The following COG1 variants were observed in gnomAD, a reference collection of about 807,000 sequenced individuals.
COG1 encodes component of oligomeric golgi complex 1, also known as conserved oligomeric Golgi complex subunit 1.
A neutral mutation model predicts 102.2 loss-of-function variants in COG1; 61 were observed. The ratio of observed to expected loss-of-function variants is 0.60; its 90% CI spans 0.49 to 0.74. The LOEUF (loss-of-function observed/expected upper bound fraction) is 0.74, where lower values mean the gene tolerates loss of function less well. COG1 is among the 30% of genes least tolerant of loss of function. COG1 has a pLI of 0.00. For synonymous variants in COG1, 454 were observed against 493.6 expected (o/e 0.92, Z 1.06); for missense variants, 1,164 against 1,232.1 (o/e 0.94, Z 0.83).
At chr17:73,200,205 G>A (rs2145096520) in intron 5 of COG1, among the ~76,000 whole-genome samples, 184 bp downstream of exon 5, 1 of 152,356 alleles carries the variant, frequency 6.6e-6, no homozygotes, top group East Asian at 1.9e-4. Context: ...CCCGCTGTGG[G>A]AGAACCAAGA....
Position 73,201,320 on chromosome 17 carries a change from T to C in COG1, c.1493T>C (p.Phe498Ser). 6.2e-7 allele frequency: 1 copy of C among 1,614,208 alleles called. No homozygotes were observed. Among genetic ancestry groups the C allele is most frequent in the Non-Finnish European group, 8.5e-7 (1 of 1,180,046 alleles). The change falls in exon 7 of 14, where the codon TTT becomes TCT. Residue 498 changes from phenylalanine to serine, a missense_variant. Coordinates refer to ENST00000299886, the MANE Select transcript of COG1 (RefSeq NM_018714.3). ...AWVSVANRGQ[F>S]ASSGLSMKAQ... ...GTCAGCGTGGCAAACCGGGGTCAGT[T>C]TGCCAGTAGCGGCCTCTCCATGAAA...
At chr17:73,203,192 G>C (rs748571290) in intron 8 of COG1, 46 bp downstream of exon 8, 1 of 1,605,374 alleles carries the variant, frequency 6.2e-7, no homozygotes, top group South Asian at 1.1e-5. Context: ...CTGCTCCGTG[G>C]AAAAGAAGAA....
intron 4 of COG1, among the ~76,000 whole-genome samples, chr17:73,199,389 T>C (rs569335541): frequency 1.3e-5 from 2 of 152,256 alleles, no homozygotes; most frequent in Admixed American, 6.5e-5. Context: ...CCGTTTTTGT[T>C]TCCTCCCGAT....
intron 4 of COG1, among the ~76,000 whole-genome samples, chr17:73,198,028 C>A (rs181464071): frequency 6.7e-6 from 1 of 150,270 alleles, no homozygotes; most frequent in Non-Finnish European, 1.5e-5. Context: ...TAGCATTTAT[C>A]GCAACTGAAA....
chr17:73,204,893 T>C (rs1349546826), intron 9 of COG1, among the ~76,000 whole-genome samples: 3 of 152,028 alleles, frequency 2.0e-5, no homozygotes, highest in African/African-American at 7.2e-5. Context: ...TCAGGTGCGA[T>C]GGCTGACACC....
chr17:73,208,401 T>G lies in COG1; in HGVS notation c.2893T>G (p.Ser965Ala). The change falls in exon 14 of 14, where the codon TCT becomes GCT. Residue 965 changes from serine to alanine, a missense_variant. By Grantham distance (99) the Ser-to-Ala change is moderately conservative. Transcript: ENST00000299886. Reference sequence around the variant, plus strand: ...GCTTGTCAGTGAAGAAGACAACACGTCTGCACCTTCATTATTCAAACTTGG... The same window carrying G: ...GCTTGTCAGTGAAGAAGACAACACGGCTGCACCTTCATTATTCAAACTTGG... ...RQLVSEEDNT[S>A]APSLFKLGWL... The G allele has an allele frequency of 6.2e-7, 1 of 1,614,246 alleles. No homozygotes were observed. Among genetic ancestry groups the G allele is most frequent in the Non-Finnish European group, 8.5e-7 (1 of 1,180,046 alleles).
chr17:73,200,938 C>T lies in COG1; in HGVS notation c.1281+162C>T, dbSNP rs4969083. Among the ~76,000 whole-genome samples, 32,141 of 152,092 alleles carry T rather than the reference C, an allele frequency of 0.21. 4,350 individuals are homozygous for T. The highest frequency in any genetic ancestry group is 0.29 in the Admixed American group (4,365 of 15,262). On this transcript the variant is annotated intron_variant, in intron 6 of 13. Transcript: ENST00000299886. ...ATACACCAGGCCTCTGTCACTTGAT[C>T]GGGAATGGGCCCATGTTCATCAATA... is the stretch of plus-strand genomic sequence containing the variant.
Position 73,208,318 on chromosome 17 carries a change from TC to T in COG1, c.2816del (p.Pro939ArgfsTer40). 2 of 1,613,420 alleles carry T rather than the reference TC, an allele frequency of 1.2e-6. No homozygotes were observed. The highest frequency in any genetic ancestry group is 1.7e-6 in the Non-Finnish European group (2 of 1,179,980). On this transcript the variant is annotated frameshift_variant, in exon 14 of 14. Transcript: ENST00000299886. LOFTEE classifies it high-confidence loss of function. ...TTTCTCTACATCCAATGGCAGGTTG[TC>T]CCCCCGGCACGCTCCACAGCTGGTG... is the stretch of plus-strand genomic sequence containing the variant. ...TRNIETKAQV[V>X]PPARSTAGDP... is the part of the protein sequence containing the mutation.
At chr17:73,205,339 C>A in intron 9 of COG1, 1 of 568,914 alleles carries the variant, frequency 1.8e-6, no homozygotes, top group South Asian at 2.0e-5. Flanking sequence ...TTTTAAGGGC[C>A]AGGTCTCTTC....
At chr17:73,203,830 T>G in intron 9 of COG1, 37 bp downstream of exon 9, 1 of 1,612,468 alleles carries the variant, frequency 6.2e-7, no homozygotes, top group Non-Finnish European at 8.5e-7. Flanking sequence ...AAAACACAAA[T>G]TAAACAAAAG....
chr17:73,201,105 T>C lies in COG1; in HGVS notation c.1282-4T>C. ...ATTAGAACTCTTCTCTCATTCTCTT[T>C]TAGACTCTGACAAAAGAAGGCTTTG... On this transcript the variant is annotated splice_region_variant and splice_polypyrimidine_tract_variant and intron_variant, in intron 6 of 13. Coordinates refer to ENST00000299886, the MANE Select transcript of COG1 (RefSeq NM_018714.3). 1 of 1,613,492 alleles carries C rather than the reference T, an allele frequency of 6.2e-7. No homozygotes were observed. The highest frequency in any genetic ancestry group is 1.1e-5 in the South Asian group (1 of 91,078).
chr17:73,203,763 T>A lies in COG1; in HGVS notation c.2352T>A (p.Tyr784Ter). Residue 784 changes from tyrosine to a stop codon, truncating the protein, a stop_gained, in exon 9 of 14, where the codon TAT becomes TAA. Transcript: ENST00000299886. LOFTEE classifies it high-confidence loss of function. The part of the protein sequence containing the change: ...KSCMVQVVAA[Y>*]EKLSEEKQIK... ...GTATGGTTCAAGTAGTAGCTGCCTA[T>A]GAGAAACTCTCCGAAGAAAAACAGA... is the stretch of plus-strand genomic sequence containing the variant. The A allele has an allele frequency of 6.2e-7, 1 of 1,614,224 alleles. No individual in the cohort carries two copies. Among genetic ancestry groups the A allele is most frequent in the South Asian group, 1.1e-5 (1 of 91,084 alleles).
chr17:73,202,873 G>A (rs1351080358), intron 7 of COG1, 127 bp from the exon 8 acceptor site: 3 of 1,003,340 alleles, frequency 3.0e-6, no homozygotes, highest in Non-Finnish European at 4.7e-6. Flanking sequence ...GCCAAAAGAG[G>A]ACTGATACCA....
At chr17:73,194,745 C>G (rs926500201) in intron 1 of COG1, among the ~76,000 whole-genome samples, 7 of 152,098 alleles carry the variant, frequency 4.6e-5, no homozygotes, top group Non-Finnish European at 8.8e-5. Context: ...ATTACAGGCG[C>G]GAGAGCCACC....
chr17:73,208,060 G>A (rs755258012), intron 13 of COG1: 5 of 1,391,636 alleles, frequency 3.6e-6, no homozygotes, highest in Non-Finnish European at 4.7e-6. Flanking sequence ...AGCAGGCTGT[G>A]GAGAGAAGTG....
chr17:73,202,983 C>T lies in COG1; in HGVS notation c.2074-17C>T. 6.2e-7 allele frequency: 1 copy of T among 1,613,922 alleles called. No individual in the cohort carries two copies. Among genetic ancestry groups the T allele is most frequent in the African/African-American group, 1.3e-5 (1 of 75,038 alleles). On this transcript the variant is annotated splice_polypyrimidine_tract_variant and intron_variant, in intron 7 of 13. Transcript: ENST00000299886. Reference sequence around the variant, plus strand: ...GGATCTGAGTGGCTTGTATGGATATCTGCCTTTTATTACCAGGTTTTGATT... The same window carrying T: ...GGATCTGAGTGGCTTGTATGGATATTTGCCTTTTATTACCAGGTTTTGATT...
rs2145092629 is a variant in COG1 at position 73,196,700 on chromosome 17, T to C, written c.509T>C (p.Leu170Pro). ...DSSSSRYSPV[L>P]SRFPILIRQV... ...TCTAGTTCCCGATACAGTCCCGTCC[T>C]CTCCCGGTTTCCTATACTCATCCGG... is the stretch of plus-strand genomic sequence containing the variant. The change falls in exon 2 of 14, where the codon CTC (leucine) becomes CCC (proline). Residue 170 changes from leucine to proline, a missense_variant. Physicochemically the swap from Leu to Pro is moderately conservative, Grantham distance 98 (BLOSUM62 -3). Coordinates refer to ENST00000299886, the MANE Select transcript of COG1 (RefSeq NM_018714.3). 6 of 1,614,110 alleles carry C rather than the reference T, an allele frequency of 3.7e-6. No individual in the cohort carries two copies. Among genetic ancestry groups the C allele is most frequent in the Non-Finnish European group, 5.1e-6 (6 of 1,180,012 alleles).
rs1486391910 is a variant in COG1, at chr17:73,196,562, T to C, written c.371T>C (p.Leu124Pro). The part of the protein sequence containing the change: ...FYSMAAQIKL[L>P]LEIPEKIWSS... ...AGCATGGCTGCCCAGATCAAGCTAC[T>C]CTTAGAAATTCCGGAGAAGATCTGG... Residue 124 changes from leucine to proline, a missense_variant, in exon 2 of 14, where the codon CTC becomes CCC. Physicochemically the swap from Leu to Pro is moderately conservative, Grantham distance 98. Coordinates refer to ENST00000299886, the MANE Select transcript of COG1 (RefSeq NM_018714.3). 1 of 1,614,220 alleles carries C rather than the reference T, an allele frequency of 6.2e-7. No homozygotes were observed. Among genetic ancestry groups the C allele is most frequent in the South Asian group, 1.1e-5 (1 of 91,090 alleles).
At chr17:73,197,422 AT>A (rs759688811) in intron 4 of COG1, 26 bp downstream of exon 4, 1 of 1,612,072 alleles carries the variant, frequency 6.2e-7, no homozygotes, top group Non-Finnish European at 8.5e-7. Context: ...AGCTTTTTAA[AT>A]TCTGGTTCAC....
Sources: allele counts gnomAD v4.1 joint callset (sites outside exome capture counted in the v4.1 genomes callset), GRCh38; gene constraint gnomAD v4.1.1; transcripts MANE v1.5; gene names NCBI Gene and HGNC (gene_info 2026-07-23, HGNC 2026-07-21).